Variants in PCDHGA4 observed in about 807,000 individuals in gnomAD.
PCDHGA4 encodes protocadherin gamma-A4.
PCDHGA4 carries 38 observed loss-of-function variants against 54.6 expected under a neutral mutation model. That is an observed-to-expected ratio of 0.70 (90% CI 0.54 to 0.91). The LOEUF (loss-of-function observed/expected upper bound fraction) is 0.91, where lower values mean the gene tolerates loss of function less well. Ranked by LOEUF, PCDHGA4 falls within the 40% of genes least tolerant of loss-of-function variation. The pLI is 0.00. For synonymous variants in PCDHGA4, 511 were observed against 512.9 expected (o/e 1.00, Z 0.05); for missense variants, 1,298 against 1,220.9 (o/e 1.06, Z -0.94).
At chr5:141,409,747 C>A in intron 1 of PCDHGA4, 3 of 1,612,994 alleles carry the variant, frequency 1.9e-6, no homozygotes, top group South Asian at 1.1e-5. Flanking sequence ...GGGTGGTGTT[C>A]GCGCAGCGCG....
chr5:141,395,538 TTGTTTGTG>T (rs2093252084), intron 1 of PCDHGA4: 3 of 225,786 alleles, frequency 1.3e-5, no homozygotes, highest in South Asian at 6.0e-5. Flanking sequence ...AATTTTGCTA[TTGTTTGTG>T]TGTGTGTGTG....
intron 1 of PCDHGA4, chr5:141,417,931 G>T (rs551432799): frequency 6.8e-6 from 11 of 1,611,382 alleles, no homozygotes; most frequent in Middle Eastern, 1.6e-4. Flanking sequence ...TGCTGCCTTT[G>T]TTCTACCCCA....
At chr5:141,413,215 T>C in intron 1 of PCDHGA4, 1 of 1,613,350 alleles carries the variant, frequency 6.2e-7, no homozygotes, top group Non-Finnish European at 8.5e-7. Context: ...ATCAAAGGAT[T>C]GCAGCGGGCT....
At chr5:141,457,560 G>A (rs1466753974) in intron 1 of PCDHGA4, among the ~76,000 whole-genome samples, 1 of 152,162 alleles carries the variant, frequency 6.6e-6, no homozygotes, top group African/African-American at 2.4e-5. Flanking sequence ...ATAAGCTTTG[G>A]AGCAAAATTT....
chr5:141,399,570 C>T (rs1297172097), intron 1 of PCDHGA4: 1 of 1,614,044 alleles, frequency 6.2e-7, no homozygotes, highest in Non-Finnish European at 8.5e-7. Context: ...GGTTGAACGG[C>T]CAAGTCTCCT....
intron 1 of PCDHGA4, chr5:141,365,241 T>C: frequency 6.2e-7 from 1 of 1,614,002 alleles, no homozygotes; most frequent in Non-Finnish European, 8.5e-7. Context: ...ATCTCAACTC[T>C]ACAATCACTG....
At chr5:141,480,703 C>T (rs577131684) in intron 1 of PCDHGA4, among the ~76,000 whole-genome samples, 10 of 152,252 alleles carry the variant, frequency 6.6e-5, no homozygotes, top group Admixed American at 1.3e-4. Flanking sequence ...GGCCACACCC[C>T]GACAAATGAA....
At chr5:141,399,655 G>A in intron 1 of PCDHGA4, 2 of 1,613,730 alleles carry the variant, frequency 1.2e-6, no homozygotes, top group South Asian at 1.1e-5. Context: ...AAGTGGGGTG[G>A]TGTTCGCGCA....
intron 1 of PCDHGA4, chr5:141,394,323 T>A (rs1323089912): frequency 6.2e-7 from 1 of 1,613,982 alleles, no homozygotes; most frequent in South Asian, 1.1e-5. Flanking sequence ...CCTGTCCTCG[T>A]ATATCTCCAT....
chr5:141,430,015 T>G (rs2097256653), intron 1 of PCDHGA4, among the ~76,000 whole-genome samples: 1 of 152,236 alleles, frequency 6.6e-6, no homozygotes, highest in South Asian at 2.1e-4. Context: ...TTCACTTGGG[T>G]TCTTGTTAAG....
chr5:141,384,216 C>T (rs1342379342), intron 1 of PCDHGA4: 1 of 1,613,896 alleles, frequency 6.2e-7, no homozygotes, highest in Non-Finnish European at 8.5e-7. Context: ...CTCACATATT[C>T]ATGCAGGTGG....
rs1410419839 is a variant in PCDHGA4 at position 141,429,391 on chromosome 5, A to ATTTT, written c.2515-65416_2515-65415insTTTT. Among the ~76,000 whole-genome samples, 380 of 151,312 alleles carry ATTTT rather than the reference A, an allele frequency of 2.5e-3. 1 individual carries two copies. The highest frequency in any genetic ancestry group is 4.2e-3 in the South Asian group (20 of 4,768). On this transcript the variant is annotated intron_variant, in intron 1 of 3. Coordinates refer to ENST00000571252, the MANE Select transcript of PCDHGA4 (RefSeq NM_018917.4). The stretch of plus-strand genomic sequence containing the variant: ...GGAGAAAATGTGTTTTTTTTTTAAA[A>ATTTT]AAAATTGAGATTAAGGTCTCATTAT...
At chr5:141,375,364 A>T (rs771379372) in intron 1 of PCDHGA4, 1 of 1,613,786 alleles carries the variant, frequency 6.2e-7, no homozygotes, top group African/African-American at 1.3e-5. Context: ...CCACGGACAA[A>T]GGAACACCAC....
intron 1 of PCDHGA4, chr5:141,383,616 G>A (rs750574958): frequency 2.5e-6 from 4 of 1,613,808 alleles, no homozygotes; most frequent in Non-Finnish European, 3.4e-6. Flanking sequence ...ATGACCACAC[G>A]CCTGTCTTCT....
intron 1 of PCDHGA4, chr5:141,430,576 T>G (rs767759432): frequency 3.3e-5 from 15 of 459,492 alleles, no homozygotes; most frequent in Non-Finnish European, 5.5e-5. Flanking sequence ...AAAGCGGAGA[T>G]CCTGCTCGCC....
chr5:141,499,253 T>C (rs1189676230), intron 2 of PCDHGA4, among the ~76,000 whole-genome samples: 1 of 152,030 alleles, frequency 6.6e-6, no homozygotes, highest in Non-Finnish European at 1.5e-5. Context: ...ACAAAGAGTC[T>C]CCATTTGGTC....
chr5:141,451,716 T>C (rs947058540), intron 1 of PCDHGA4, among the ~76,000 whole-genome samples: 1 of 152,092 alleles, frequency 6.6e-6, no homozygotes, highest in Non-Finnish European at 1.5e-5. Context: ...ACCCTGCCTC[T>C]ACTAAAAATA....
rs2099697598 is a variant in PCDHGA4 at position 141,490,236 on chromosome 5, C to T, written c.2515-4571C>T. On this transcript the variant is annotated intron_variant, in intron 1 of 3. Coordinates refer to ENST00000571252, the MANE Select transcript of PCDHGA4 (RefSeq NM_018917.4). This position sits in a 1 kb window ranked among gnomAD's most constrained non-coding sequence, Gnocchi z 5.4. ...ACCAGGGACAGCCTGCCATGGAGGG[C>T]CACTGTGTGATTCAAGTGGATGTGG... is the stretch of plus-strand genomic sequence containing the variant. 1 of 1,614,078 alleles carries T rather than the reference C, an allele frequency of 6.2e-7. No homozygotes were observed. The highest frequency in any genetic ancestry group is 1.1e-5 in the South Asian group (1 of 91,088).
chr5:141,408,277 C>T (rs367948897), intron 1 of PCDHGA4: 2 of 1,611,980 alleles, frequency 1.2e-6, no homozygotes, highest in African/African-American at 1.3e-5. Context: ...TGCCTTTGTT[C>T]TACCCCACCC....
Sources: allele counts gnomAD v4.1 joint callset (sites outside exome capture counted in the v4.1 genomes callset), GRCh38; gene constraint gnomAD v4.1.1; non-coding constraint Gnocchi (gnomAD v3.1); transcripts MANE v1.5; gene names NCBI Gene and HGNC (gene_info 2026-07-23, HGNC 2026-07-21).